The following CADM2 variants were observed in gnomAD, a reference collection of about 807,000 sequenced individuals.
The protein encoded by CADM2 is cell adhesion molecule 2, also known as immunoglobulin superfamily member 4D.
Under a neutral mutation model 49.8 loss-of-function variants are expected in CADM2, and 12 were observed. That is an observed-to-expected ratio of 0.24 (90% confidence interval 0.15 to 0.39). The LOEUF is 0.39. Ranked by LOEUF, CADM2 falls within the 10% of genes least tolerant of loss-of-function variation. CADM2 has a pLI of 1.00. For synonymous variants in CADM2, 214 were observed against 175.4 expected (o/e 1.22, Z -1.74); for missense variants, 378 against 492.3 (o/e 0.77, Z 2.20).
At chr3:85,883,560 A>C (rs1713129116) in intron 4 of CADM2, 117 bp downstream of exon 4, 2 of 881,926 alleles carry the variant, frequency 2.3e-6, no homozygotes, top group Admixed American at 3.5e-5. Context: ...ATATGGTTTA[A>C]TCCTTTCTCT....
intron 1 of CADM2, among the ~76,000 whole-genome samples, chr3:85,545,008 A>C (rs935327058): frequency 2.0e-5 from 3 of 152,054 alleles, no homozygotes; most frequent in Admixed American, 2.0e-4. Flanking sequence ...CTCCTTGTCA[A>C]AACCTATACA....
At position 85,150,205 on chromosome 3, in the gene CADM2, CT is replaced by C. The variant is rs1156582152; in HGVS notation, c.61+190542del. ...GAAAGGTTTTAGAGGATGACAAGACCTTTTTGTCTGTATTTACTGTAATAAG... is the reference window on the plus strand; with the variant it reads ...GAAAGGTTTTAGAGGATGACAAGACCTTTTGTCTGTATTTACTGTAATAAG... On this transcript the variant is annotated intron_variant, in intron 1 of 9. Transcript: ENST00000383699. 1.7e-4 allele frequency among the ~76,000 whole-genome samples: 26 copies of C among 152,020 alleles called. 1 individual carries two copies. Among genetic ancestry groups the C allele is most frequent in the Admixed American group, 1.7e-3 (26 of 15,254 alleles).
intron 1 of CADM2, among the ~76,000 whole-genome samples, chr3:85,487,748 G>C (rs185146565): frequency 6.7e-6 from 1 of 150,076 alleles, no homozygotes; most frequent in Non-Finnish European, 1.5e-5. Flanking sequence ...GCGTGTGTGC[G>C]TGTGTGTGCG....
intron 1 of CADM2, among the ~76,000 whole-genome samples, chr3:85,058,743 C>G (rs1030366286): frequency 6.6e-6 from 1 of 152,032 alleles, no homozygotes; most frequent in African/African-American, 2.4e-5. Flanking sequence ...CCGCGCCCAG[C>G]TAAAATGATT....
chr3:85,218,086 A>C (rs2107786093), intron 1 of CADM2, among the ~76,000 whole-genome samples: 1 of 152,246 alleles, frequency 6.6e-6, no homozygotes, highest in South Asian at 2.1e-4. Flanking sequence ...AATCATAATT[A>C]TTTTATTAGA....
At chr3:85,002,708 A>G (rs1559611473) in intron 1 of CADM2, among the ~76,000 whole-genome samples, 1 of 152,148 alleles carries the variant, frequency 6.6e-6, no homozygotes, top group East Asian at 1.9e-4. Context: ...TACCATCTCC[A>G]CAGACAAACA....
At chr3:85,568,449 T>TTCTCTTTCTCTTTCTCTCTC (rs750571484) in intron 1 of CADM2, among the ~76,000 whole-genome samples, 1 of 27,774 alleles carries the variant, frequency 3.6e-5, no homozygotes, top group African/African-American at 1.0e-4. Flanking sequence ...CTTTCTTTCT[T>TTCTCTTTCTCTTTCTCTCTC]TCTTTCTTTC....
At chr3:85,638,575 T>TA (rs1314352412) in intron 1 of CADM2, among the ~76,000 whole-genome samples, 7 of 152,090 alleles carry the variant, frequency 4.6e-5, no homozygotes, top group Non-Finnish European at 1.0e-4. Context: ...TTATTATACT[T>TA]ATGTTTTATT....
At chr3:85,606,646 G>A (rs2063547189) in intron 1 of CADM2, among the ~76,000 whole-genome samples, 1 of 152,126 alleles carries the variant, frequency 6.6e-6, no homozygotes, top group Admixed American at 6.6e-5. Context: ...TCTCAGAAGG[G>A]TGATCAATGA....
chr3:85,900,344 A>G (rs1212056129), intron 5 of CADM2, among the ~76,000 whole-genome samples: 1 of 152,148 alleles, frequency 6.6e-6, no homozygotes, highest in Non-Finnish European at 1.5e-5. Flanking sequence ...TTAAAAGATG[A>G]AAATGAATGA....
intron 1 of CADM2, among the ~76,000 whole-genome samples, chr3:85,637,603 C>T (rs1290210116): frequency 3.6e-4 from 7 of 19,382 alleles, no homozygotes; most frequent in South Asian, 4.2e-3. Flanking sequence ...AGCGAGACTC[C>T]GTCTCAAAAA....
Position 85,171,104 on chromosome 3 carries a change from A to G in CADM2, c.61+211436A>G, listed in dbSNP as rs533823583. On this transcript the variant is annotated intron_variant, in intron 1 of 9. Transcript: ENST00000383699. ...GTAAATGTACATGAGGCATATAGAAAAAAATGTTAATTTTTTCTAAAGTCA... is the reference window on the plus strand; with the variant it reads ...GTAAATGTACATGAGGCATATAGAAGAAAATGTTAATTTTTTCTAAAGTCA... Among the ~76,000 whole-genome samples the G allele has an allele frequency of 3.3e-5, 5 of 152,328 alleles. No homozygotes were observed. The South Asian group carries it at 8.3e-4, about 25-fold the overall frequency.
At chr3:84,988,434 T>A (rs2032707077) in intron 1 of CADM2, among the ~76,000 whole-genome samples, 1 of 152,200 alleles carries the variant, frequency 6.6e-6, no homozygotes, top group Non-Finnish European at 1.5e-5. Context: ...GAGTTCCAGG[T>A]TTTTTAGCTG....
intron 6 of CADM2, among the ~76,000 whole-genome samples, chr3:85,931,436 T>A (rs1334926260): frequency 6.6e-6 from 1 of 151,950 alleles, no homozygotes; most frequent in Non-Finnish European, 1.5e-5. Context: ...GAGTGAGACC[T>A]TGTCTGAAAA....
intron 1 of CADM2, among the ~76,000 whole-genome samples, chr3:85,105,337 A>G (rs1366635966): frequency 6.6e-6 from 1 of 152,228 alleles, no homozygotes; most frequent in East Asian, 1.9e-4. Flanking sequence ...CAAAAAACAC[A>G]TGAAAAAATG....
chr3:85,145,482 C>G (rs1028850669), intron 1 of CADM2, among the ~76,000 whole-genome samples: 3 of 151,612 alleles, frequency 2.0e-5, no homozygotes, highest in Non-Finnish European at 4.4e-5. Flanking sequence ...ATATTATTTG[C>G]AATTTTTTTT....
At position 85,859,490 on chromosome 3, in the gene CADM2, C is replaced by T. The variant is rs187585647; in HGVS notation, c.239-23801C>T. Among the ~76,000 whole-genome samples, 458 of 152,152 alleles carry T rather than the reference C, an allele frequency of 3.0e-3. 2 individuals carry two copies. The highest frequency in any genetic ancestry group is 0.01 in the African/African-American group (434 of 41,508). On this transcript the variant is annotated intron_variant, in intron 3 of 9. Transcript: ENST00000383699. ...CAAGTGAGCCACCTGTCTTGGCGTC[C>T]CAAAGTGCTGGGATTACAGGCATGA...
chr3:85,059,052 A>T (rs953956125), intron 1 of CADM2, among the ~76,000 whole-genome samples: 4 of 151,916 alleles, frequency 2.6e-5, no homozygotes, highest in African/African-American at 9.7e-5. Flanking sequence ...ATCCTGCCTA[A>T]CCCAGTGAAA....
intron 1 of CADM2, among the ~76,000 whole-genome samples, chr3:85,278,785 A>G (rs969575593): frequency 3.3e-5 from 5 of 149,462 alleles, no homozygotes; most frequent in Admixed American, 1.3e-4. Flanking sequence ...GAAAATCACA[A>G]TGTTTTAAAC....
Sources: gnomAD v4.1 joint callset for allele counts (sites outside exome capture counted in the v4.1 genomes callset) on GRCh38, gnomAD v4.1.1 for gene constraint, MANE v1.5 for transcripts, NCBI Gene and HGNC (gene_info 2026-07-23, HGNC 2026-07-21) for gene names.